Variants in ROBO1 observed in about 807,000 individuals in gnomAD.
ROBO1 encodes the protein roundabout guidance receptor 1, also known as roundabout homolog 1.
A neutral mutation model predicts 195.9 loss-of-function variants in ROBO1; 149 were observed. That is an observed-to-expected ratio of 0.76 (90% CI 0.67 to 0.87). The LOEUF (loss-of-function observed/expected upper bound fraction) is 0.87. ROBO1 is among the 40% of genes least tolerant of loss of function. The pLI, the probability that ROBO1 is intolerant of heterozygous loss-of-function variation, is 0.00. For missense variants in ROBO1, 1,933 were observed against 2,068.3 expected (o/e 0.93, Z 1.27); for synonymous variants, 816 against 733.2 (o/e 1.11, Z -1.82).
intron 3 of ROBO1, among the ~76,000 whole-genome samples, chr3:79,051,653 C>G (rs1196244655): frequency 6.6e-6 from 1 of 152,078 alleles, no homozygotes; most frequent in African/African-American, 2.4e-5. Flanking sequence ...ATGTGAAAAT[C>G]CTCATAAAAT....
intron 1 of ROBO1, among the ~76,000 whole-genome samples, chr3:79,731,815 T>C (rs1703158562): frequency 6.6e-6 from 1 of 152,176 alleles, no homozygotes; most frequent in Non-Finnish European, 1.5e-5. Context: ...CTTGAGAATA[T>C]ACAAATCATA....
At position 79,381,793 on chromosome 3, in the gene ROBO1, G is replaced by C. The variant is rs114001215; in HGVS notation, c.88+208031C>G. 8.0e-3 allele frequency among the ~76,000 whole-genome samples: 1,208 copies of C among 151,446 alleles called. 21 individuals are homozygous for C. Among genetic ancestry groups the C allele is most frequent in the African/African-American group, 0.028 (1,147 of 41,288 alleles). The stretch of plus-strand genomic sequence containing the variant: ...TAAAATGCTATATATTAATATGTAG[G>C]TATATATATATAATTATAGTAATAT... On this transcript the variant is annotated intron_variant, in intron 2 of 30. Transcript: ENST00000464233.
intron 4 of ROBO1, among the ~76,000 whole-genome samples, chr3:78,856,981 A>C (rs577973230): frequency 6.6e-6 from 1 of 151,978 alleles, no homozygotes; most frequent in Non-Finnish European, 1.5e-5. Context: ...TTTTTCTAAC[A>C]ATGTTTACAG....
intron 4 of ROBO1, among the ~76,000 whole-genome samples, chr3:78,924,988 A>G (rs1489431703): frequency 1.3e-5 from 2 of 151,938 alleles, no homozygotes; most frequent in Non-Finnish European, 2.9e-5. Flanking sequence ...TTTTAATTTA[A>G]TATTTTAAAA....
chr3:78,929,852 G>T (rs1378665131), intron 4 of ROBO1, among the ~76,000 whole-genome samples: 1 of 152,002 alleles, frequency 6.6e-6, no homozygotes, highest in South Asian at 2.1e-4. Context: ...CCTCTTCATG[G>T]TCTATTAACT....
In ROBO1 at chr3:79,183,882, A is replaced by C. The variant is rs571659545; in HGVS notation, c.89-58343T>G. Among the ~76,000 whole-genome samples, 4 of 152,374 alleles carry C rather than the reference A, an allele frequency of 2.6e-5. No individual in the cohort carries two copies. The South Asian group carries it at 8.3e-4, about 32-fold the overall frequency. ...TATGAAGGAAAACAGCAACATAACCATGAATGTAATGACTTAAGAAGAACA... is the reference window on the plus strand; with the variant it reads ...TATGAAGGAAAACAGCAACATAACCCTGAATGTAATGACTTAAGAAGAACA... On this transcript the variant is annotated intron_variant, in intron 2 of 30. Transcript: ENST00000464233.
chr3:79,704,370 A>G (rs190013681), intron 1 of ROBO1, among the ~76,000 whole-genome samples: 7 of 151,984 alleles, frequency 4.6e-5, no homozygotes, highest in African/African-American at 7.2e-5. Context: ...ACTCCTTAAA[A>G]CCATTCATCT....
chr3:79,725,400 G>T (rs983253866), intron 1 of ROBO1, among the ~76,000 whole-genome samples: 2 of 151,382 alleles, frequency 1.3e-5, no homozygotes, highest in Non-Finnish European at 2.9e-5. Flanking sequence ...CTAATTTTTT[G>T]TATTTTTAGT....
intron 2 of ROBO1, among the ~76,000 whole-genome samples, chr3:79,484,393 A>G (rs1939036176): frequency 6.6e-6 from 1 of 152,152 alleles, no homozygotes; most frequent in South Asian, 2.1e-4. Flanking sequence ...TGTGGGAAAG[A>G]TGCTATTTAT....
At chr3:79,290,950 CATT>C in intron 2 of ROBO1, among the ~76,000 whole-genome samples, 1 of 152,244 alleles carries the variant, frequency 6.6e-6, no homozygotes, top group East Asian at 1.9e-4. Flanking sequence ...TATCTCTTGC[CATT>C]ATCCTGAGGG....
intron 2 of ROBO1, among the ~76,000 whole-genome samples, chr3:79,202,607 CAAA>C (rs1280420799): frequency 1.0e-5 from 1 of 98,966 alleles, no homozygotes. Context: ...TCACTCATTT[CAAA>C]AAAAAAAAAA....
At chr3:78,914,770 T>TA (rs2038457218) in intron 4 of ROBO1, among the ~76,000 whole-genome samples, 1 of 147,452 alleles carries the variant, frequency 6.8e-6, no homozygotes, top group Non-Finnish European at 1.5e-5. Context: ...TATATATATA[T>TA]TTATATAAAT....
intron 4 of ROBO1, among the ~76,000 whole-genome samples, chr3:78,919,590 T>A (rs906323426): frequency 6.6e-6 from 1 of 152,224 alleles, no homozygotes; most frequent in African/African-American, 2.4e-5. Flanking sequence ...ACCTATTCCA[T>A]GTCAGAAGAT....
rs181124994 is a variant in ROBO1 at position 78,635,459 on chromosome 3, G to A, written c.3373+314C>T. Reference sequence around the variant, plus strand: ...GGGATAGTCTATTTATTGAAAATGCGAGGTATTGTGACAGTTGTACATCTG... The same window carrying A: ...GGGATAGTCTATTTATTGAAAATGCAAGGTATTGTGACAGTTGTACATCTG... On this transcript the variant is annotated intron_variant, in intron 23 of 30. Coordinates refer to ENST00000464233, the MANE Select transcript of ROBO1 (RefSeq NM_002941.4). Among the ~76,000 whole-genome samples the A allele has an allele frequency of 3.9e-5, 6 of 152,148 alleles. No individual in the cohort carries two copies. The East Asian group carries it at 9.7e-4, about 25-fold the overall frequency.
intron 1 of ROBO1, among the ~76,000 whole-genome samples, chr3:79,748,085 T>G (rs1158747825): frequency 6.6e-6 from 1 of 152,126 alleles, no homozygotes; most frequent in Non-Finnish European, 1.5e-5. Context: ...TAAAGTATAT[T>G]GGTACTTCCA....
chr3:78,934,714 G>A (rs931059009), intron 4 of ROBO1, among the ~76,000 whole-genome samples: 2 of 151,884 alleles, frequency 1.3e-5, no homozygotes, highest in African/African-American at 4.8e-5. Flanking sequence ...CCAATTTCCA[G>A]TCTTCATTCT....
chr3:79,133,900 A>T (rs1204363805), intron 2 of ROBO1, among the ~76,000 whole-genome samples: 4 of 151,412 alleles, frequency 2.6e-5, no homozygotes, highest in Admixed American at 6.6e-5. Context: ...TTTCCTTCTA[A>T]CAGACAGGAC....
At chr3:78,859,838 T>C (rs2034680026) in intron 4 of ROBO1, among the ~76,000 whole-genome samples, 1 of 152,112 alleles carries the variant, frequency 6.6e-6, no homozygotes, top group Non-Finnish European at 1.5e-5. Flanking sequence ...CCCAGCACTT[T>C]GGGAGGCCAA....
At chr3:79,158,659 AT>A (rs2080900711) in intron 2 of ROBO1, among the ~76,000 whole-genome samples, 1 of 151,836 alleles carries the variant, frequency 6.6e-6, no homozygotes, top group African/African-American at 2.4e-5. Context: ...TTTCAAGATA[AT>A]AAACACCTGT....
Sources: allele counts gnomAD v4.1 joint callset (sites outside exome capture counted in the v4.1 genomes callset), GRCh38; gene constraint gnomAD v4.1.1; transcripts MANE v1.5; gene names NCBI Gene and HGNC (gene_info 2026-07-23, HGNC 2026-07-21).